Variants in MYO10 observed in about 807,000 individuals in gnomAD.
MYO10 encodes the protein unconventional myosin-X.
MYO10 carries 133 observed loss-of-function variants against 257.3 expected under a neutral mutation model. That is an observed-to-expected ratio of 0.52 (90% CI 0.45 to 0.60). The LOEUF (loss-of-function observed/expected upper bound fraction) is 0.60, where lower values mean the gene tolerates loss of function less well. MYO10 is among the 20% of genes least tolerant of loss of function. The probability of loss-of-function intolerance (pLI) is 0.00; values close to 1 mark genes in which losing one functional copy is unlikely to be tolerated. For missense variants in MYO10, 2,399 were observed against 2,635.7 expected, an observed-to-expected ratio of 0.91 and a Z score of 1.97; for synonymous variants, 1,104 against 1,028.6, an observed-to-expected ratio of 1.07 and a Z score of -1.40.
At chr5:16,722,694 T>C (rs935206251) in intron 19 of MYO10, among the ~76,000 whole-genome samples, 1 of 152,222 alleles carries the variant, frequency 6.6e-6, no homozygotes, top group African/African-American at 2.4e-5. Context: ...AAGTAAATCA[T>C]AGACCTATGT....
At chr5:16,911,904 G>C (rs1341179663) in intron 1 of MYO10, among the ~76,000 whole-genome samples, 2 of 152,110 alleles carry the variant, frequency 1.3e-5, no homozygotes, top group East Asian at 1.9e-4. Context: ...CGGGTGTGGT[G>C]GTGGGCACCT....
chr5:16,825,806 G>A (rs539781714), intron 2 of MYO10, among the ~76,000 whole-genome samples: 42 of 152,280 alleles, frequency 2.8e-4, no homozygotes, highest in African/African-American at 9.1e-4. Context: ...CTGAGATCAC[G>A]TCATTGCACT....
chr5:16,915,214 T>C (rs1745781238), intron 1 of MYO10, among the ~76,000 whole-genome samples: 1 of 152,178 alleles, frequency 6.6e-6, no homozygotes. Flanking sequence ...AAAAGAGTAC[T>C]TTCTGAAGTC....
chr5:16,840,697 A>G (rs1206307879), intron 2 of MYO10, among the ~76,000 whole-genome samples: 1 of 152,006 alleles, frequency 6.6e-6, no homozygotes, highest in African/African-American at 2.4e-5. Flanking sequence ...AAAAAATGCA[A>G]TATGCATTTT....
chr5:16,743,401 G>T (rs957633626), intron 19 of MYO10, among the ~76,000 whole-genome samples: 1 of 152,142 alleles, frequency 6.6e-6, no homozygotes, highest in African/African-American at 2.4e-5. Context: ...CCAGCACTTT[G>T]GGAGGCCGAG....
chr5:16,677,687 T>C (rs1736800135), intron 33 of MYO10, among the ~76,000 whole-genome samples: 1 of 152,102 alleles, frequency 6.6e-6, no homozygotes, highest in Non-Finnish European at 1.5e-5. Flanking sequence ...AGTGCTGGGA[T>C]TACAGGCGTG....
intron 2 of MYO10, among the ~76,000 whole-genome samples, chr5:16,853,358 A>T (rs1743867318): frequency 1.3e-5 from 2 of 150,748 alleles, no homozygotes; most frequent in Admixed American, 1.3e-4. Flanking sequence ...TGGGCGACAG[A>T]GTGAGACTCC....
At chr5:16,792,028 T>C (rs1305689976) in intron 4 of MYO10, among the ~76,000 whole-genome samples, 1 of 151,818 alleles carries the variant, frequency 6.6e-6, no homozygotes, top group African/African-American at 2.4e-5. Flanking sequence ...GCCCAACACA[T>C]TATTAGTCCT....
intron 19 of MYO10, among the ~76,000 whole-genome samples, chr5:16,734,622 T>C (rs1307298065): frequency 6.6e-6 from 1 of 151,976 alleles, no homozygotes; most frequent in African/African-American, 2.4e-5. Flanking sequence ...CTGGCCAACA[T>C]GGTGAAACCC....
At chr5:16,684,375 T>C (rs369410655) in intron 29 of MYO10, among the ~76,000 whole-genome samples, 184 of 152,242 alleles carry the variant, frequency 1.2e-3, no homozygotes, top group African/African-American at 4.3e-3. Flanking sequence ...CCTAAGTAGC[T>C]AGGACTACAG....
chr5:16,807,282 C>T (rs1416999701), intron 3 of MYO10, among the ~76,000 whole-genome samples: 2 of 152,186 alleles, frequency 1.3e-5, no homozygotes, highest in African/African-American at 2.4e-5. Context: ...TAACCTCCCC[C>T]AAACACCTGT....
intron 19 of MYO10, among the ~76,000 whole-genome samples, chr5:16,713,928 G>C (rs879722043): frequency 2.0e-5 from 3 of 152,208 alleles, no homozygotes; most frequent in Non-Finnish European, 4.4e-5. Context: ...CGACAGGGAA[G>C]TCTCGATGGC....
intron 1 of MYO10, among the ~76,000 whole-genome samples, chr5:16,909,299 G>A (rs1346509413): frequency 2.0e-5 from 3 of 152,110 alleles, no homozygotes; most frequent in Non-Finnish European, 4.4e-5. Context: ...ACGAGGTCAG[G>A]AGTTCGAGAC....
chr5:16,898,537 C>T (rs377556985), intron 1 of MYO10, among the ~76,000 whole-genome samples: 39 of 151,682 alleles, frequency 2.6e-4, no homozygotes, highest in Middle Eastern at 6.8e-3. Flanking sequence ...CTCAGCATCC[C>T]GAATAGATGG....
intron 5 of MYO10, among the ~76,000 whole-genome samples, chr5:16,782,886 C>T (rs562203348): frequency 2.0e-5 from 3 of 152,288 alleles, no homozygotes; most frequent in East Asian, 1.9e-4. Context: ...AGCCTCCAAG[C>T]GGTGGATGCT....
rs375766927 is a variant in MYO10 at position 16,666,663 on chromosome 5, A to G, written c.*29T>C. 26 of 1,559,380 alleles carry G rather than the reference A, an allele frequency of 1.7e-5. No homozygotes were observed. Among genetic ancestry groups the G allele is most frequent in the Non-Finnish European group, 2.0e-5 (23 of 1,152,510 alleles). On this transcript the variant is annotated 3_prime_UTR_variant, in exon 41 of 41. Transcript: ENST00000513610. ...AGGCCAGAGGGTGGTGCGTTCAGGT[A>G]GCAAAGACAGGTGGGCTCTGTCCCG...
chr5:16,869,602 C>T (rs1042083849), intron 2 of MYO10, among the ~76,000 whole-genome samples: 4 of 151,928 alleles, frequency 2.6e-5, no homozygotes, highest in African/African-American at 4.8e-5. Flanking sequence ...TGGTAGTTCA[C>T]GCCTGTAATC....
chr5:16,766,034 C>T (rs1740850806), intron 11 of MYO10, 46 bp downstream of exon 11: 1 of 1,397,544 alleles, frequency 7.2e-7, no homozygotes. Context: ...ATCTGAAAAC[C>T]CAGGAGTGTC....
At chr5:16,880,638 A>G (rs896111223) in intron 1 of MYO10, among the ~76,000 whole-genome samples, 2 of 152,226 alleles carry the variant, frequency 1.3e-5, no homozygotes, top group Non-Finnish European at 2.9e-5. Context: ...AGGCCTGCCT[A>G]TGTAAAGAAC....
Sources: allele counts gnomAD v4.1 joint callset (sites outside exome capture counted in the v4.1 genomes callset), GRCh38; gene constraint gnomAD v4.1.1; transcripts MANE v1.5; gene names NCBI Gene and HGNC (gene_info 2026-07-23, HGNC 2026-07-21).